TOR1AIP2: variants seen among roughly 807,000 people sequenced by gnomAD.
The protein encoded by TOR1AIP2 is torsin 1A interacting protein 2.
TOR1AIP2 carries 20 observed loss-of-function variants against 32.6 expected under a neutral mutation model. That is an observed-to-expected ratio of 0.61 (90% CI 0.43 to 0.89). The LOEUF (loss-of-function observed/expected upper bound fraction) is 0.89, where lower values mean the gene tolerates loss of function less well. Ranked by LOEUF, TOR1AIP2 falls within the 40% of genes least tolerant of loss-of-function variation. The pLI, the probability that TOR1AIP2 is intolerant of heterozygous loss-of-function variation, is 0.00. For synonymous variants in TOR1AIP2, 214 were observed against 210.8 expected, an observed-to-expected ratio of 1.02 and a Z score of -0.13; for missense variants, 456 against 553.8, an observed-to-expected ratio of 0.82 and a Z score of 1.77.
intron 2 of TOR1AIP2, among the ~76,000 whole-genome samples, chr1:179,870,807 T>C (rs1696984942): frequency 6.6e-6 from 1 of 152,254 alleles, no homozygotes; most frequent in African/African-American, 2.4e-5. Context: ...TCAACTTCAT[T>C]AGCTTAAGTC....
In TOR1AIP2 at chr1:179,842,420, T is replaced by C. The variant is rs1218096643; in HGVS notation, c.*3651A>G. 1 of 152,228 alleles carries C rather than the reference T, an allele frequency of 6.6e-6. No individual in the cohort carries two copies. Among genetic ancestry groups the C allele is most frequent in the Non-Finnish European group, 1.5e-5 (1 of 68,030 alleles). The allele number at this position is 152,228 out of a possible 1,614,324, so 9.4% of individuals were successfully genotyped here. A position where few individuals can be genotyped will look rare whatever the true frequency, so the allele number is the denominator to read the frequency against. On this transcript the variant is annotated 3_prime_UTR_variant, in exon 7 of 7. Coordinates refer to ENST00000609928, the MANE Select transcript of TOR1AIP2 (RefSeq NM_001199260.2). ...AATTAGCATTACTATTTTAGTGATATGAACACCTTTAGTGATATGAACTTG... is the reference window on the plus strand; with the variant it reads ...AATTAGCATTACTATTTTAGTGATACGAACACCTTTAGTGATATGAACTTG...
At chr1:179,863,246 A>C (rs1447547019) in intron 3 of TOR1AIP2, 1 of 983,072 alleles carries the variant, frequency 1.0e-6, no homozygotes, top group Admixed American at 6.2e-5. Context: ...AAAAAAAAAA[A>C]AGCCCTGATT....
rs1027620546 is a variant in TOR1AIP2, at chr1:179,865,684, T to C, written c.-395A>G. On this transcript the variant is annotated 5_prime_UTR_variant, in exon 3 of 7. Coordinates refer to ENST00000609928, the MANE Select transcript of TOR1AIP2 (RefSeq NM_001199260.2). ...TGCCGTTGTAACACACGTACCCAAGTCTTAAGGCCTTGGCACTTTATAGCA... is the reference window on the plus strand; with the variant it reads ...TGCCGTTGTAACACACGTACCCAAGCCTTAAGGCCTTGGCACTTTATAGCA... 2 of 154,254 alleles carry C rather than the reference T, an allele frequency of 1.3e-5. No individual in the cohort carries two copies. The highest frequency in any genetic ancestry group is 4.8e-5 in the African/African-American group (2 of 41,586). 9.6% of individuals were successfully genotyped at this position (154,254 alleles called of 1,614,324 possible). A position where few individuals can be genotyped will look rare whatever the true frequency, so the allele number is the denominator to read the frequency against.
chr1:179,850,772 C>CCTCT, intron 5 of TOR1AIP2, 73 bp downstream of exon 5: 2 of 1,514,874 alleles, frequency 1.3e-6, no homozygotes, highest in East Asian at 4.5e-5. Flanking sequence ...GGAAAGAAGG[C>CCTCT]CTCTGACTTC....
intron 5 of TOR1AIP2, among the ~76,000 whole-genome samples, chr1:179,848,739 T>C (rs907440845): frequency 6.6e-6 from 1 of 152,186 alleles, no homozygotes; most frequent in Non-Finnish European, 1.5e-5. Context: ...ATCTAAGAAC[T>C]GAAAGGATCT....
intron 3 of TOR1AIP2, chr1:179,864,383 G>A (rs1413043281): frequency 1.5e-5 from 15 of 990,930 alleles, no homozygotes; most frequent in East Asian, 2.2e-4. Flanking sequence ...CAGCTATAAC[G>A]AGGCTGCTTT....
At chr1:179,864,075 CT>C in intron 3 of TOR1AIP2, 3 of 985,398 alleles carry the variant, frequency 3.0e-6, no homozygotes, top group Non-Finnish European at 3.6e-6. Context: ...ACAAGACAGT[CT>C]TTTGTTTATG....
chr1:179,870,412 A>T (rs982775013), intron 2 of TOR1AIP2, among the ~76,000 whole-genome samples: 3 of 151,068 alleles, frequency 2.0e-5, no homozygotes, highest in South Asian at 2.1e-4. Flanking sequence ...AAAAAAAAAA[A>T]TTTTTTTTAC....
intron 3 of TOR1AIP2, chr1:179,860,387 TGGGA>T (rs1696474378): frequency 1.2e-6 from 1 of 857,070 alleles, no homozygotes; most frequent in Non-Finnish European, 1.4e-6. Flanking sequence ...GGGGCTGAAG[TGGGA>T]GGATCACTTG....
At position 179,852,823 on chromosome 1, in the gene TOR1AIP2, T is replaced by TG; in HGVS notation, c.-146-13dup. 1 of 1,390,034 alleles carries TG rather than the reference T, an allele frequency of 7.2e-7. No individual in the cohort carries two copies. The highest frequency in any genetic ancestry group is 1.7e-5 in the South Asian group (1 of 57,408). 86.1% of individuals were successfully genotyped at this position (1,390,034 alleles called of 1,614,324 possible). ...CATATATACAGTGACTAAAACAAAA[T>TG]GAAAAAAAATTAAATGACTTTTTAT... On this transcript the variant is annotated splice_polypyrimidine_tract_variant and intron_variant, in intron 3 of 6. Coordinates refer to ENST00000609928, the MANE Select transcript of TOR1AIP2 (RefSeq NM_001199260.2).
chr1:179,852,548 ATT>A, intron 4 of TOR1AIP2, 82 bp downstream of exon 4: 1 of 1,446,288 alleles, frequency 6.9e-7, no homozygotes, highest in Non-Finnish European at 9.7e-7. Context: ...AAAACCTCAG[ATT>A]TTAGTCATCA....
In TOR1AIP2 at chr1:179,846,039, T is replaced by A; in HGVS notation, c.*32A>T. 1 of 1,587,842 alleles carries A rather than the reference T, an allele frequency of 6.3e-7. No homozygotes were observed. The highest frequency in any genetic ancestry group is 8.6e-7 in the Non-Finnish European group (1 of 1,165,440). On this transcript the variant is annotated 3_prime_UTR_variant, in exon 7 of 7. Coordinates refer to ENST00000609928, the MANE Select transcript of TOR1AIP2 (RefSeq NM_001199260.2). ...CTTTAAACAAACTTTTTCATAAACA[T>A]ATACCTTCTGTAACCAACTCTGTGC...
At chr1:179,861,434 T>C in intron 3 of TOR1AIP2, 2 of 984,922 alleles carry the variant, frequency 2.0e-6, no homozygotes, top group Non-Finnish European at 2.4e-6. Flanking sequence ...CTACATGATG[T>C]TGATTTCTGA....
At chr1:179,863,771 G>T (rs1440056197) in intron 3 of TOR1AIP2, 1 of 983,644 alleles carries the variant, frequency 1.0e-6, no homozygotes, top group East Asian at 1.1e-4. Flanking sequence ...AAAAGCACTA[G>T]ATACCTAGAT....
At chr1:179,854,443 T>C (rs551592869) in intron 3 of TOR1AIP2, among the ~76,000 whole-genome samples, 1 of 152,348 alleles carries the variant, frequency 6.6e-6, no homozygotes, top group African/African-American at 2.4e-5. Flanking sequence ...TCTCAAGTTT[T>C]TTGATTATTG....
intron 3 of TOR1AIP2, chr1:179,860,831 A>G: frequency 9.1e-6 from 9 of 985,418 alleles, no homozygotes; most frequent in Non-Finnish European, 1.1e-5. Context: ...GTTGCCAGGG[A>G]GACTGGAGAG....
At chr1:179,859,651 A>G (rs1696439976) in intron 3 of TOR1AIP2, 1 of 985,394 alleles carries the variant, frequency 1.0e-6, no homozygotes, top group Non-Finnish European at 1.2e-6. Flanking sequence ...TACAGCAATT[A>G]TATCTACCAT....
chr1:179,850,162 A>C (rs546327184), intron 5 of TOR1AIP2, among the ~76,000 whole-genome samples: 1 of 151,866 alleles, frequency 6.6e-6, no homozygotes, highest in South Asian at 2.1e-4. Context: ...TTCATTTTAC[A>C]AACAGGAAAT....
Position 179,869,868 on chromosome 1 carries a change from A to G in TOR1AIP2, c.-565-4014T>C, listed in dbSNP as rs565312886. On this transcript the variant is annotated intron_variant, in intron 2 of 6. Transcript: ENST00000609928. ...TTTGGCAGGATATTAAACAGTATACAGTAACCCTCTGTCAGATAATAACAC... is the reference window on the plus strand; with the variant it reads ...TTTGGCAGGATATTAAACAGTATACGGTAACCCTCTGTCAGATAATAACAC... Among the ~76,000 whole-genome samples, 5 of 152,366 alleles carry G rather than the reference A, an allele frequency of 3.3e-5. No individual in the cohort carries two copies. The South Asian group carries it at 1.0e-3, about 32-fold the overall frequency.
Sources: gnomAD v4.1 joint callset for allele counts (sites outside exome capture counted in the v4.1 genomes callset) on GRCh38, gnomAD v4.1.1 for gene constraint, MANE v1.5 for transcripts, NCBI Gene and HGNC (gene_info 2026-07-23, HGNC 2026-07-21) for gene names.